The following FCHSD2 variants were observed in gnomAD, a reference collection of about 807,000 sequenced individuals.
The protein encoded by FCHSD2 is F-BAR and double SH3 domains protein 2.
Under a neutral mutation model 108.1 loss-of-function variants are expected in FCHSD2, and 38 were observed. That is an observed-to-expected ratio of 0.35 (90% CI 0.27 to 0.46). FCHSD2 has a LOEUF of 0.46. Ranked by LOEUF, FCHSD2 falls within the 20% of genes least tolerant of loss-of-function variation. The probability of loss-of-function intolerance (pLI) is 1.00; values close to 1 mark genes in which losing one functional copy is unlikely to be tolerated. For missense variants in FCHSD2, 751 were observed against 897.8 expected, an observed-to-expected ratio of 0.84 and a Z score of 2.09; for synonymous variants, 279 against 314.7, an observed-to-expected ratio of 0.89 and a Z score of 1.20.
intron 3 of FCHSD2, among the ~76,000 whole-genome samples, chr11:73,016,826 C>T (rs1857984820): frequency 6.6e-6 from 1 of 152,148 alleles, no homozygotes; most frequent in Non-Finnish European, 1.5e-5. Context: ...ATTATCTACA[C>T]AACACAAATC....
intron 8 of FCHSD2, among the ~76,000 whole-genome samples, chr11:72,975,591 A>C (rs1181214843): frequency 6.6e-6 from 1 of 152,196 alleles, no homozygotes; most frequent in African/African-American, 2.4e-5. Flanking sequence ...TGATCCTTAC[A>C]CATTGTACGC....
intron 4 of FCHSD2, among the ~76,000 whole-genome samples, chr11:73,008,622 T>C (rs1857793948): frequency 6.6e-6 from 1 of 152,136 alleles, no homozygotes; most frequent in African/African-American, 2.4e-5. Flanking sequence ...AGTAGAGAGA[T>C]AATTTGGTGC....
chr11:72,900,448 CT>C, intron 10 of FCHSD2: 1 of 663,894 alleles, frequency 1.5e-6, no homozygotes, highest in Non-Finnish European at 2.6e-6. Context: ...AGATTTAGGG[CT>C]GCAGTTGGGC....
intron 10 of FCHSD2, among the ~76,000 whole-genome samples, chr11:72,893,095 T>C (rs1343813771): frequency 6.6e-6 from 1 of 151,868 alleles, no homozygotes; most frequent in African/African-American, 2.4e-5. Context: ...GCCTCTCGGG[T>C]TCAAGAGATT....
intron 3 of FCHSD2, among the ~76,000 whole-genome samples, chr11:73,072,909 A>C (rs561897864): frequency 6.6e-6 from 1 of 152,190 alleles, no homozygotes; most frequent in African/African-American, 2.4e-5. Flanking sequence ...ATAGCAAAAA[A>C]TTTTAGGTGC....
chr11:72,940,243 T>A (rs1187031009), intron 8 of FCHSD2, among the ~76,000 whole-genome samples: 1 of 152,178 alleles, frequency 6.6e-6, no homozygotes, highest in East Asian at 1.9e-4. Context: ...AAATGGGGCT[T>A]TGTGTGTTTA....
chr11:72,973,231 G>A (rs1433674738), intron 8 of FCHSD2, among the ~76,000 whole-genome samples: 1 of 152,098 alleles, frequency 6.6e-6, no homozygotes, highest in Non-Finnish European at 1.5e-5. Flanking sequence ...GCTGGGTGTG[G>A]TGGCATGTGC....
intron 12 of FCHSD2, among the ~76,000 whole-genome samples, chr11:72,877,422 CT>C (rs1483801674): frequency 6.6e-6 from 1 of 152,106 alleles, no homozygotes; most frequent in Non-Finnish European, 1.5e-5. Context: ...TAGTCTTGTT[CT>C]TTCAAGGAGA....
intron 4 of FCHSD2, among the ~76,000 whole-genome samples, chr11:73,009,716 A>C (rs1293788580): frequency 6.6e-6 from 1 of 151,592 alleles, no homozygotes; most frequent in Non-Finnish European, 1.5e-5. Flanking sequence ...CTTTGAATAT[A>C]TCATACCATT....
chr11:72,953,699 AAAGAAAAGAAATAGAGAATG>A (rs1167941961), intron 8 of FCHSD2, among the ~76,000 whole-genome samples: 1 of 152,188 alleles, frequency 6.6e-6, no homozygotes, highest in Non-Finnish European at 1.5e-5. Context: ...AAACATAAAC[AAAGAAAAGAAATAGAGAATG>A]AAGAAAAGAT....
At chr11:73,039,077 T>A (rs749657024) in intron 3 of FCHSD2, among the ~76,000 whole-genome samples, 5 of 152,204 alleles carry the variant, frequency 3.3e-5, no homozygotes, top group Non-Finnish European at 7.3e-5. Flanking sequence ...AATTGCAGAA[T>A]CACTGTTTAT....
chr11:72,886,486 T>C (rs1855201605), intron 12 of FCHSD2, among the ~76,000 whole-genome samples: 1 of 152,232 alleles, frequency 6.6e-6, no homozygotes, highest in South Asian at 2.1e-4. Flanking sequence ...CTATACTTAA[T>C]GCACCACTCC....
chr11:72,959,623 TA>T (rs1244932603), intron 8 of FCHSD2, among the ~76,000 whole-genome samples: 4 of 152,076 alleles, frequency 2.6e-5, no homozygotes, highest in Non-Finnish European at 4.4e-5. Flanking sequence ...CCACATGAAA[TA>T]AAAAGTCTCC....
intron 8 of FCHSD2, among the ~76,000 whole-genome samples, chr11:72,958,516 C>CA (rs1394676754): frequency 2.0e-5 from 3 of 152,106 alleles, no homozygotes; most frequent in East Asian, 1.9e-4. Context: ...GGCTCCATCT[C>CA]AAAAAAACAA....
At chr11:73,106,709 T>C (rs931946467) in intron 2 of FCHSD2, among the ~76,000 whole-genome samples, 10 of 152,182 alleles carry the variant, frequency 6.6e-5, no homozygotes, top group Non-Finnish European at 1.3e-4. Flanking sequence ...GCTGTGTTTT[T>C]TCTACGTTCA....
At chr11:73,033,320 A>C (rs1858410924) in intron 3 of FCHSD2, among the ~76,000 whole-genome samples, 1 of 151,772 alleles carries the variant, frequency 6.6e-6, no homozygotes, top group Non-Finnish European at 1.5e-5. Flanking sequence ...GACTACAGTC[A>C]GGGAGACCCA....
At chr11:73,096,070 C>T (rs1860066758) in intron 2 of FCHSD2, among the ~76,000 whole-genome samples, 1 of 151,386 alleles carries the variant, frequency 6.6e-6, no homozygotes, top group African/African-American at 2.4e-5. Context: ...AAAAATAAAC[C>T]ACCATAAAGG....
intron 8 of FCHSD2, among the ~76,000 whole-genome samples, chr11:72,948,945 A>G (rs959075068): frequency 1.3e-5 from 2 of 151,716 alleles, no homozygotes; most frequent in African/African-American, 2.4e-5. Context: ...GATTACAGGC[A>G]TGAGCCACAG....
intron 14 of FCHSD2, among the ~76,000 whole-genome samples, chr11:72,843,837 A>G (rs1387262685): frequency 6.6e-6 from 1 of 151,998 alleles, no homozygotes; most frequent in Non-Finnish European, 1.5e-5. Flanking sequence ...AAATAAATAA[A>G]TAAGTAAATA....
Sources: gnomAD v4.1 joint callset for allele counts (sites outside exome capture counted in the v4.1 genomes callset) on GRCh38, gnomAD v4.1.1 for gene constraint, MANE v1.5 for transcripts, NCBI Gene and HGNC (gene_info 2026-07-23, HGNC 2026-07-21) for gene names.